The following ATRNL1 variants were observed in gnomAD, a reference collection of about 807,000 sequenced individuals.
ATRNL1 encodes attractin like 1.
ATRNL1 carries 95 observed loss-of-function variants against 182.7 expected under a neutral mutation model. The ratio of observed to expected loss-of-function variants is 0.52; its 90% CI spans 0.44 to 0.62. The LOEUF is 0.62. Ranked by LOEUF, ATRNL1 falls within the 20% of genes least tolerant of loss-of-function variation. The pLI, the probability that ATRNL1 is intolerant of heterozygous loss-of-function variation, is 0.00. For synonymous variants in ATRNL1, 576 were observed against 568.3 expected (o/e 1.01, Z -0.19); for missense variants, 1,471 against 1,679.5 (o/e 0.88, Z 2.17).
At chr10:115,350,334 C>CCAAAAAAA (rs1856176278) in intron 19 of ATRNL1, among the ~76,000 whole-genome samples, 2 of 29,740 alleles carry the variant, frequency 6.7e-5, no homozygotes, top group Non-Finnish European at 1.0e-4. Context: ...GACTCTGTCT[C>CCAAAAAAA]AAAAAAAAAA....
In ATRNL1 at chr10:115,197,830, G is replaced by T. The variant is rs565572432; in HGVS notation, c.1349-17867G>T. 8.5e-5 allele frequency among the ~76,000 whole-genome samples: 13 copies of T among 152,180 alleles called. No individual in the cohort carries two copies. In the South Asian group the frequency reaches 2.7e-3, roughly 32 times the overall value. On this transcript the variant is annotated intron_variant, in intron 8 of 28. Coordinates refer to ENST00000355044, the MANE Select transcript of ATRNL1 (RefSeq NM_207303.4). ...TATATAAGTGAGCCCGCACGTAAGT[G>T]GGCTCATAAAGTTCAAACCCATGTT... is the stretch of plus-strand genomic sequence containing the variant.
intron 26 of ATRNL1, among the ~76,000 whole-genome samples, chr10:115,561,669 C>CTGTG (rs375690170): frequency 0.013 from 1,875 of 141,420 alleles, 26 homozygotes; most frequent in African/African-American, 0.035. Context: ...AGGGACAACT[C>CTGTG]TGTGTGTGTG....
chr10:115,103,195 G>A (rs2143448503), intron 1 of ATRNL1, among the ~76,000 whole-genome samples: 1 of 151,740 alleles, frequency 6.6e-6, no homozygotes, highest in South Asian at 2.1e-4. Flanking sequence ...CCATCATCAC[G>A]CCTGGCTGAT....
intron 5 of ATRNL1, among the ~76,000 whole-genome samples, chr10:115,147,709 C>A (rs958836319): frequency 5.5e-4 from 83 of 152,094 alleles, no homozygotes; most frequent in African/African-American, 1.9e-3. Flanking sequence ...ATTCCCAGCA[C>A]AATTTATTGA....
chr10:115,649,048 T>A (rs1859815843), intron 26 of ATRNL1, among the ~76,000 whole-genome samples: 1 of 152,160 alleles, frequency 6.6e-6, no homozygotes. Flanking sequence ...GGAGGTTAGA[T>A]AATGTGTTAT....
chr10:115,594,917 T>C (rs1856141287), intron 26 of ATRNL1, among the ~76,000 whole-genome samples: 1 of 152,226 alleles, frequency 6.6e-6, no homozygotes, highest in Non-Finnish European at 1.5e-5. Flanking sequence ...TTGAGCCTTC[T>C]TTTCAAGTCT....
chr10:115,789,095 C>T (rs548465880), intron 27 of ATRNL1, among the ~76,000 whole-genome samples: 113 of 152,278 alleles, frequency 7.4e-4, no homozygotes, highest in African/African-American at 2.6e-3. Flanking sequence ...AGTAACAGAA[C>T]TTCAGTTAAA....
rs552930437 is a variant in ATRNL1 at position 115,427,190 on chromosome 10, C to G, written c.3322+888C>G. ...CTAATAGGTGTGTAATGGTATCTAACTCTCATTTTAATTTGCACTTTCCTA... is the reference window on the plus strand; with the variant it reads ...CTAATAGGTGTGTAATGGTATCTAAGTCTCATTTTAATTTGCACTTTCCTA... On this transcript the variant is annotated intron_variant, in intron 21 of 28. Coordinates refer to ENST00000355044, the MANE Select transcript of ATRNL1 (RefSeq NM_207303.4). Among the ~76,000 whole-genome samples the G allele has an allele frequency of 2.6e-5, 4 of 152,260 alleles. No homozygotes were observed. In the East Asian group the frequency reaches 7.7e-4, roughly 29 times the overall value.
intron 16 of ATRNL1, 62 bp from the exon 17 acceptor site, chr10:115,301,793 C>T (rs936621922): frequency 9.5e-6 from 13 of 1,372,590 alleles, no homozygotes; most frequent in South Asian, 1.7e-5. Context: ...CAAAGAAAAC[C>T]CATACAATTG....
intron 26 of ATRNL1, among the ~76,000 whole-genome samples, chr10:115,594,219 A>G (rs1157967572): frequency 6.6e-6 from 1 of 152,122 alleles, no homozygotes; most frequent in Admixed American, 6.5e-5. Context: ...ACTATAATCT[A>G]TACATATATA....
chr10:115,190,248 T>C (rs1554889574), intron 8 of ATRNL1, among the ~76,000 whole-genome samples: 2 of 152,014 alleles, frequency 1.3e-5, no homozygotes, highest in Non-Finnish European at 2.9e-5. Context: ...ACTGTTAAAA[T>C]TGTATACGTT....
intron 26 of ATRNL1, among the ~76,000 whole-genome samples, chr10:115,633,718 G>A (rs554484490): frequency 6.6e-6 from 1 of 152,078 alleles, no homozygotes; most frequent in African/African-American, 2.4e-5. Context: ...GATACTGAAA[G>A]CAAGATCTAA....
At chr10:115,485,560 A>G (rs544523515) in intron 24 of ATRNL1, among the ~76,000 whole-genome samples, 3 of 152,242 alleles carry the variant, frequency 2.0e-5, no homozygotes, top group East Asian at 1.9e-4. Context: ...TGACCATTCT[A>G]TACAATAAAT....
At chr10:115,467,295 A>G (rs782433137) in intron 23 of ATRNL1, 43 bp downstream of exon 23, 1 of 1,381,366 alleles carries the variant, frequency 7.2e-7, no homozygotes, top group Non-Finnish European at 1.0e-6. Context: ...ATGTGTTCCT[A>G]TCTGGAAGTT....
At chr10:115,345,850 G>A (rs782580203) in intron 19 of ATRNL1, among the ~76,000 whole-genome samples, 4 of 152,134 alleles carry the variant, frequency 2.6e-5, no homozygotes, top group Non-Finnish European at 4.4e-5. Context: ...ATCACAGTAT[G>A]TAACATCTTG....
At chr10:115,807,595 C>T (rs183048549) in intron 27 of ATRNL1, among the ~76,000 whole-genome samples, 1 of 152,324 alleles carries the variant, frequency 6.6e-6, no homozygotes, top group Admixed American at 6.5e-5. Context: ...GCATTTAGAT[C>T]TGCACCTCAA....
intron 26 of ATRNL1, among the ~76,000 whole-genome samples, chr10:115,603,677 A>T (rs926991308): frequency 6.6e-6 from 1 of 152,178 alleles, no homozygotes; most frequent in African/African-American, 2.4e-5. Context: ...GCAGGCATCA[A>T]ATCTCATTCA....
chr10:115,185,302 C>T (rs1847900196), intron 8 of ATRNL1, among the ~76,000 whole-genome samples: 1 of 151,936 alleles, frequency 6.6e-6, no homozygotes, highest in African/African-American at 2.4e-5. Flanking sequence ...AAGCAGGGCT[C>T]CTTGGAGGAG....
At chr10:115,179,699 G>C (rs1164619503) in intron 8 of ATRNL1, among the ~76,000 whole-genome samples, 3 of 152,128 alleles carry the variant, frequency 2.0e-5, no homozygotes, top group African/African-American at 7.2e-5. Context: ...AGGAAGAAGT[G>C]TCTTGTGGGA....
Sources: allele counts gnomAD v4.1 joint callset (sites outside exome capture counted in the v4.1 genomes callset), GRCh38; gene constraint gnomAD v4.1.1; transcripts MANE v1.5; gene names NCBI Gene and HGNC (gene_info 2026-07-23, HGNC 2026-07-21).